The following GLIPR1L1 variants were observed in gnomAD, a reference collection of about 807,000 sequenced individuals.
The protein encoded by GLIPR1L1 is GLIPR1 like 1.
Under a neutral mutation model 29.9 loss-of-function variants are expected in GLIPR1L1, and 26 were observed. That is an observed-to-expected ratio of 0.87 (90% CI 0.64 to 1.21). The LOEUF (loss-of-function observed/expected upper bound fraction) is 1.21, where lower values mean the gene tolerates loss of function less well. Ranked by LOEUF, GLIPR1L1 falls within the 50% of genes most tolerant of loss-of-function variation. The probability of loss-of-function intolerance (pLI) is 0.00; values close to 1 mark genes in which losing one functional copy is unlikely to be tolerated. For synonymous variants in GLIPR1L1, 77 were observed against 97.5 expected (o/e 0.79, Z 1.24); for missense variants, 305 against 290.3 (o/e 1.05, Z -0.37).
intron 1 of GLIPR1L1, among the ~76,000 whole-genome samples, chr12:75,341,121 A>C (rs2042075159): frequency 6.6e-6 from 1 of 151,980 alleles, no homozygotes; most frequent in South Asian, 2.1e-4. Context: ...CTTTTTTCCT[A>C]GAAAAAGGAA....
At chr12:75,349,365 T>C (rs886944295) in intron 3 of GLIPR1L1, among the ~76,000 whole-genome samples, 4 of 152,058 alleles carry the variant, frequency 2.6e-5, no homozygotes, top group African/African-American at 9.7e-5. Context: ...AACATAACTT[T>C]AACAACAACA....
chr12:75,336,766 TCAAA>T (rs1435436482), intron 1 of GLIPR1L1, among the ~76,000 whole-genome samples: 2 of 151,796 alleles, frequency 1.3e-5, no homozygotes, highest in Non-Finnish European at 3.0e-5. Flanking sequence ...GATTTGAACA[TCAAA>T]CAATTTTACC....
intron 3 of GLIPR1L1, among the ~76,000 whole-genome samples, chr12:75,350,912 G>T (rs183082657): frequency 4.6e-5 from 7 of 152,150 alleles, no homozygotes; most frequent in Admixed American, 3.9e-4. Flanking sequence ...AGCTAAAGGA[G>T]TATATTCTAA....
chr12:75,344,504 A>G (rs976008666), intron 2 of GLIPR1L1, among the ~76,000 whole-genome samples: 10 of 152,010 alleles, frequency 6.6e-5, no homozygotes, highest in Non-Finnish European at 8.8e-5. Context: ...TATACCTAAT[A>G]TGTTTTCTCT....
chr12:75,338,978 C>T (rs952844494), intron 1 of GLIPR1L1, among the ~76,000 whole-genome samples: 1 of 152,202 alleles, frequency 6.6e-6, no homozygotes, highest in Non-Finnish European at 1.5e-5. Context: ...GTCTGTAGCA[C>T]ATATTTTCTT....
Sources: gnomAD v4.1 joint callset for allele counts (sites outside exome capture counted in the v4.1 genomes callset) on GRCh38, gnomAD v4.1.1 for gene constraint, MANE v1.5 for transcripts, NCBI Gene and HGNC (gene_info 2026-07-23, HGNC 2026-07-21) for gene names.